The following PDE10A variants were observed in gnomAD, a reference collection of about 807,000 sequenced individuals.
The protein encoded by PDE10A is phosphodiesterase 10A.
A neutral mutation model predicts 97.7 loss-of-function variants in PDE10A; 39 were observed. The observed-to-expected ratio is 0.40, with a 90% CI of 0.31 to 0.52. The LOEUF (loss-of-function observed/expected upper bound fraction) is 0.52. Ranked by LOEUF, PDE10A falls within the 20% of genes least tolerant of loss-of-function variation. The pLI, the probability that PDE10A is intolerant of heterozygous loss-of-function variation, is 0.56. For synonymous variants in PDE10A, 371 were observed against 376.8 expected (o/e 0.98, Z 0.18); for missense variants, 731 against 1,047.8 (o/e 0.70, Z 4.17).
intron 18 of PDE10A, among the ~76,000 whole-genome samples, chr6:165,368,610 C>T (rs532708363): frequency 3.3e-5 from 5 of 152,164 alleles, no homozygotes; most frequent in East Asian, 3.9e-4. Context: ...ACAAATAGCT[C>T]AAAATAGAAA....
At chr6:165,728,059 AC>A (rs1375833551) in intron 1 of PDE10A, among the ~76,000 whole-genome samples, 1 of 152,114 alleles carries the variant, frequency 6.6e-6, no homozygotes, top group African/African-American at 2.4e-5. Flanking sequence ...ATAGCCACCC[AC>A]CCCCAACATA....
chr6:165,795,825 T>C (rs995988837), intron 1 of PDE10A, among the ~76,000 whole-genome samples: 1 of 152,120 alleles, frequency 6.6e-6, no homozygotes, highest in African/African-American at 2.4e-5. Flanking sequence ...CTCCTACCCC[T>C]GAAGACATTC....
chr6:165,946,128 G>A (rs1405003749), intron 1 of PDE10A, among the ~76,000 whole-genome samples: 1 of 152,184 alleles, frequency 6.6e-6, no homozygotes, highest in Non-Finnish European at 1.5e-5. Flanking sequence ...TTGGTCACGG[G>A]TTAGGAAGGT....
rs573644283 is a variant in PDE10A, at chr6:165,705,529, G to T, written c.-614-161961C>A. Among the ~76,000 whole-genome samples, 5 of 152,322 alleles carry T rather than the reference G, an allele frequency of 3.3e-5. No homozygotes were observed. The East Asian group carries it at 5.8e-4, about 18-fold the overall frequency. ...GCAGAGCAGGTCTTCACAAAATACT[G>T]CAGTGGGAAGGCAAATTTCATGAAT... On this transcript the variant is annotated intron_variant, in intron 1 of 19. Coordinates refer to the PDE10A transcript ENST00000366882.
chr6:165,693,406 C>A (rs948996198), intron 1 of PDE10A, among the ~76,000 whole-genome samples: 1 of 151,724 alleles, frequency 6.6e-6, no homozygotes, highest in African/African-American at 2.4e-5. Flanking sequence ...TGGTGGATGC[C>A]TGTAGTCTCA....
chr6:165,364,149 T>C (rs887830140), intron 18 of PDE10A, among the ~76,000 whole-genome samples: 4 of 152,226 alleles, frequency 2.6e-5, no homozygotes, highest in South Asian at 4.1e-4. Flanking sequence ...CAAGTTTCTA[T>C]AGACTGAATG....
At chr6:165,926,094 GTTT>G (rs1187384625) in intron 1 of PDE10A, among the ~76,000 whole-genome samples, 1 of 152,180 alleles carries the variant, frequency 6.6e-6, no homozygotes, top group Non-Finnish European at 1.5e-5. Context: ...CAGTGTACTT[GTTT>G]CTGTCTCTGG....
chr6:165,915,534 G>C (rs560529079), intron 1 of PDE10A, among the ~76,000 whole-genome samples: 3 of 152,108 alleles, frequency 2.0e-5, no homozygotes, highest in Non-Finnish European at 2.9e-5. Flanking sequence ...AACAGGACAG[G>C]GGAAGGGGTA....
At position 165,905,958 on chromosome 6, in the gene PDE10A, G is replaced by A. The variant is rs1782249425; in HGVS notation, c.-615+81571C>T. The stretch of plus-strand genomic sequence containing the variant: ...AAACAATTTTTTTCCTTCTTTCTTT[G>A]TTCCTTTTTACCTTCCCTTTTTCTC... On this transcript the variant is annotated intron_variant, in intron 1 of 19. Coordinates refer to the PDE10A transcript ENST00000366882. 2.2e-5 allele frequency among the ~76,000 whole-genome samples: 3 copies of A among 137,832 alleles called. No homozygotes were observed. The South Asian group carries it at 7.4e-4, about 34-fold the overall frequency. 90.4% of individuals were successfully genotyped at this position (137,832 alleles called of 152,430 possible). A position where few individuals can be genotyped will look rare whatever the true frequency, so the allele number is the denominator to read the frequency against.
chr6:165,841,368 C>G (rs1454476988), intron 1 of PDE10A, among the ~76,000 whole-genome samples: 1 of 152,200 alleles, frequency 6.6e-6, no homozygotes, highest in Non-Finnish European at 1.5e-5. Flanking sequence ...GCCCTGTGGC[C>G]TTTGCTGACC....
At chr6:165,633,186 A>C (rs1020018059) in intron 1 of PDE10A, among the ~76,000 whole-genome samples, 1 of 152,210 alleles carries the variant, frequency 6.6e-6, no homozygotes, top group African/African-American at 2.4e-5. Flanking sequence ...GACATCTATA[A>C]GATGTAGACT....
At chr6:165,504,349 C>T (rs1781070653) in intron 2 of PDE10A, among the ~76,000 whole-genome samples, 3 of 151,958 alleles carry the variant, frequency 2.0e-5, no homozygotes, top group South Asian at 4.1e-4. Context: ...AAAATTAAAC[C>T]GTGATAGCAT....
At chr6:165,577,409 C>T (rs4709951) in intron 1 of PDE10A, among the ~76,000 whole-genome samples, 6,307 of 152,216 alleles carry the variant, frequency 0.041, 391 homozygotes, top group East Asian at 0.32. Context: ...CAGGGCAGCA[C>T]GCAACACTCC....
At chr6:165,738,887 C>A (rs1271708661) in intron 1 of PDE10A, among the ~76,000 whole-genome samples, 1 of 152,180 alleles carries the variant, frequency 6.6e-6, no homozygotes, top group Admixed American at 6.5e-5. Flanking sequence ...ATTTAAAAAA[C>A]AATTTCATTT....
intron 1 of PDE10A, among the ~76,000 whole-genome samples, chr6:165,692,709 C>T (rs988024217): frequency 6.6e-6 from 1 of 152,202 alleles, no homozygotes; most frequent in Non-Finnish European, 1.5e-5. Context: ...TAACCTTAGA[C>T]AGCAGGTTTT....
chr6:165,356,993 A>G (rs1783069046), intron 18 of PDE10A, among the ~76,000 whole-genome samples: 1 of 152,212 alleles, frequency 6.6e-6, no homozygotes, highest in African/African-American at 2.4e-5. Flanking sequence ...TTAATATATG[A>G]ACTATCATCA....
intron 20 of PDE10A, among the ~76,000 whole-genome samples, chr6:165,337,231 A>T (rs1303838340): frequency 2.0e-5 from 3 of 152,194 alleles, no homozygotes; most frequent in Non-Finnish European, 4.4e-5. Flanking sequence ...TGTAAAAGAT[A>T]TGTGACTATC....
chr6:165,817,031 A>T (rs760665570), intron 1 of PDE10A, among the ~76,000 whole-genome samples: 14 of 152,140 alleles, frequency 9.2e-5, no homozygotes, highest in Non-Finnish European at 1.5e-4. Flanking sequence ...GAAGAAAAGG[A>T]TGTCCAAAAA....
intron 1 of PDE10A, among the ~76,000 whole-genome samples, chr6:165,963,857 G>A (rs1271849190): frequency 3.3e-5 from 5 of 152,110 alleles, no homozygotes; most frequent in African/African-American, 1.2e-4. Context: ...TCCTGGCTTG[G>A]GCCAGGCAGC....
Sources: gnomAD v4.1 joint callset for allele counts (sites outside exome capture counted in the v4.1 genomes callset) on GRCh38, gnomAD v4.1.1 for gene constraint, MANE v1.5 for transcripts, NCBI Gene and HGNC (gene_info 2026-07-23, HGNC 2026-07-21) for gene names.